SEC23A: variants seen among roughly 807,000 people sequenced by gnomAD.
SEC23A encodes the protein protein transport protein Sec23A.
SEC23A carries 56 observed loss-of-function variants against 103.7 expected under a neutral mutation model. That is an observed-to-expected ratio of 0.54 (90% confidence interval 0.44 to 0.67). The LOEUF (loss-of-function observed/expected upper bound fraction) is 0.67. SEC23A is among the 30% of genes least tolerant of loss of function. The pLI is 0.00. For missense variants in SEC23A, 784 were observed against 936.4 expected, an observed-to-expected ratio of 0.84 and a Z score of 2.12; for synonymous variants, 281 against 293.0, an observed-to-expected ratio of 0.96 and a Z score of 0.42.
rs781147238 is a variant in SEC23A at position 39,048,637 on chromosome 14, C to T, written c.1737+15G>A. On this transcript the variant is annotated intron_variant, in intron 15 of 19. Coordinates refer to ENST00000307712, the MANE Select transcript of SEC23A (RefSeq NM_006364.4). ...AAAAAGAAAAGAAAAGAATATGGAC[C>T]TTTTACCTACTTACCTGTGGATAAA... 3.9e-6 allele frequency: 6 copies of T among 1,533,260 alleles called. No individual in the cohort carries two copies. Among genetic ancestry groups the T allele is most frequent in the Non-Finnish European group, 4.5e-6 (5 of 1,106,956 alleles). The allele number at this position is 1,533,260 out of a possible 1,614,324, so 95.0% of individuals were successfully genotyped here.
At chr14:39,087,312 T>A (rs527473287) in intron 5 of SEC23A, among the ~76,000 whole-genome samples, 32 of 152,368 alleles carry the variant, frequency 2.1e-4, no homozygotes, top group African/African-American at 7.7e-4. Flanking sequence ...TAAATGTCCA[T>A]ACTTCTTAAT....
rs772560933 is a variant in SEC23A, at chr14:39,093,089, A to C, written c.279+98T>G. On this transcript the variant is annotated intron_variant, in intron 3 of 19. Transcript: ENST00000307712. ...TCACTGTGTTAGCCAGGATGGTCTCAATCTCCTGACCTCGTGATCCACCCG... is the reference window on the plus strand; with the variant it reads ...TCACTGTGTTAGCCAGGATGGTCTCCATCTCCTGACCTCGTGATCCACCCG... The C allele has an allele frequency of 7.7e-5, 70 of 912,798 alleles. No individual in the cohort carries two copies. The African/African-American group carries it at 1.1e-3, about 14-fold the overall frequency. 56.5% of individuals were successfully genotyped at this position (912,798 alleles called of 1,614,324 possible). A position where few individuals can be genotyped will look rare whatever the true frequency, so the allele number is the denominator to read the frequency against.
intron 7 of SEC23A, 109 bp from the exon 8 acceptor site, chr14:39,076,202 GAAAT>G (rs1887012544): frequency 6.7e-6 from 6 of 896,762 alleles, no homozygotes; most frequent in Admixed American, 5.4e-5. Context: ...TATTTTCTAA[GAAAT>G]AAAATAATCA....
intron 7 of SEC23A, among the ~76,000 whole-genome samples, chr14:39,081,959 A>C (rs184469234): frequency 6.6e-6 from 1 of 152,248 alleles, no homozygotes; most frequent in East Asian, 1.9e-4. Context: ...TCTTGGTAGA[A>C]CCAAGGCTAA....
At position 39,074,304 on chromosome 14, in the gene SEC23A, T is replaced by C. The variant is rs12164875; in HGVS notation, c.1103+111A>G. 168,605 of 762,720 alleles carry C rather than the reference T, an allele frequency of 0.22. 20,841 individuals are homozygous for C. Among genetic ancestry groups the C allele is most frequent in the Middle Eastern group, 0.3 (1,080 of 3,606 alleles). The allele number at this position is 762,720 out of a possible 1,614,324, so 47.2% of individuals were successfully genotyped here. A position where few individuals can be genotyped will look rare whatever the true frequency, so the allele number is the denominator to read the frequency against. On this transcript the variant is annotated intron_variant, in intron 9 of 19. Transcript: ENST00000307712. ...AAAAACTACTAACAGATGTGTTGCC[T>C]TGAAGTAGTGGGAAGATGACACTTT...
chr14:39,070,455 C>T lies in SEC23A; in HGVS notation c.1104-3159G>A, dbSNP rs1309721265. Reference sequence around the variant, plus strand: ...CCAGTATCTCCTATGAAGACAGATGCAAAAATCCTCAACAAAATGACAGCA... The same window carrying T: ...CCAGTATCTCCTATGAAGACAGATGTAAAAATCCTCAACAAAATGACAGCA... On this transcript the variant is annotated intron_variant, in intron 9 of 19. Coordinates refer to ENST00000307712, the MANE Select transcript of SEC23A (RefSeq NM_006364.4). 3.3e-5 allele frequency among the ~76,000 whole-genome samples: 5 copies of T among 151,996 alleles called. No homozygotes were observed. In the East Asian group the frequency reaches 7.7e-4, roughly 23 times the overall value.
chr14:39,086,593 G>GCGGGAAAAGCTAAGCGGGA (rs1310373317), intron 6 of SEC23A, among the ~76,000 whole-genome samples: 18 of 152,130 alleles, frequency 1.2e-4, no homozygotes, highest in Admixed American at 6.6e-4. Context: ...CTGCACTCCA[G>GCGGGAAAAGCTAAGCGGGA]AAACCTTAGC....
Position 39,092,543 on chromosome 14 carries a change from G to T in SEC23A, c.364C>A (p.Leu122Met). Residue 122 changes from leucine (L) to methionine (M), a missense_variant and splice_region_variant, in exon 4 of 20, where the codon CTG (leucine) becomes ATG (methionine). Coordinates refer to ENST00000307712, the MANE Select transcript of SEC23A (RefSeq NM_006364.4). ...AATATTTGTTCTTAGGTTCTTACCA[G>T]AACTACATATTCAATGCTAGAAAAC... ...PQFSSIEYVV[L>M]RGPQMPLIFL... 6.3e-7 allele frequency: 1 copy of T among 1,580,986 alleles called. No individual in the cohort carries two copies. The highest frequency in any genetic ancestry group is 8.7e-7 in the Non-Finnish European group (1 of 1,151,444).
intron 1 of SEC23A, among the ~76,000 whole-genome samples, chr14:39,099,000 C>T (rs914748400): frequency 4.6e-5 from 7 of 151,910 alleles, no homozygotes; most frequent in Admixed American, 2.0e-4. Flanking sequence ...TCTCAATTCT[C>T]CCAAGGATAG....
intron 7 of SEC23A, among the ~76,000 whole-genome samples, chr14:39,083,094 G>A (rs1047117290): frequency 1.3e-5 from 2 of 152,096 alleles, no homozygotes; most frequent in Non-Finnish European, 2.9e-5. Flanking sequence ...GATTATCCTG[G>A]TTCATAGGAA....
chr14:39,075,093 C>A (rs1160406122), intron 8 of SEC23A, among the ~76,000 whole-genome samples: 2 of 151,674 alleles, frequency 1.3e-5, no homozygotes, highest in Non-Finnish European at 2.9e-5. Flanking sequence ...GGCAACAGAG[C>A]GAGACTTTGC....
chr14:39,095,956 G>C lies in SEC23A; in HGVS notation c.163C>G (p.Gln55Glu). 1.9e-6 allele frequency: 3 copies of C among 1,614,126 alleles called. No individual in the cohort carries two copies. Among genetic ancestry groups the C allele is most frequent in the Non-Finnish European group, 2.5e-6 (3 of 1,180,002 alleles). The change falls in exon 2 of 20, where the codon CAA becomes GAA. Residue 55 changes from glutamine (Q) to glutamate (E), a missense_variant. This residue lies in a region of SEC23A where 683 missense variants were observed against 774.2 expected (regional missense o/e 0.88). Coordinates refer to ENST00000307712, the MANE Select transcript of SEC23A (RefSeq NM_006364.4). Reference protein sequence around the residue: ...LKERPDLPPIQYEPVLCSRTT... With the variant: ...LKERPDLPPIEYEPVLCSRTT... ...CTACTACACAGAACAGGTTCATATT[G>C]AATAGGTGGTAAGTCAGGTCTCTCT...
intron 11 of SEC23A, 166 bp downstream of exon 11, chr14:39,064,747 G>C (rs1313929875): frequency 3.1e-6 from 2 of 644,296 alleles, no homozygotes; most frequent in East Asian, 2.8e-5. Flanking sequence ...TTTCTTTTTT[G>C]GGGGGATAAC....
rs1037867678 is a variant in SEC23A at position 39,071,504 on chromosome 14, G to T, written c.1103+2911C>A. ...GCAGAGGTTGCAGTGAGCTGAGATC[G>T]CACCACTGCACTCCAGCCTGGGCAA... is the stretch of plus-strand genomic sequence containing the variant. On this transcript the variant is annotated intron_variant, in intron 9 of 19. Coordinates refer to ENST00000307712, the MANE Select transcript of SEC23A (RefSeq NM_006364.4). 4.4e-4 allele frequency among the ~76,000 whole-genome samples: 67 copies of T among 152,094 alleles called. 1 individual carries two copies. Among genetic ancestry groups the T allele is most frequent in the African/African-American group, 1.6e-3 (66 of 41,516 alleles).
chr14:39,058,568 A>G (rs1326214771), intron 13 of SEC23A, among the ~76,000 whole-genome samples: 1 of 152,170 alleles, frequency 6.6e-6, no homozygotes, highest in Non-Finnish European at 1.5e-5. Flanking sequence ...TGGCCTCCCA[A>G]AGTGCTGGGA....
rs762979945 is a variant in SEC23A, at chr14:39,045,176, C to T, written c.1886G>A (p.Ser629Asn). 1 of 1,613,420 alleles carries T rather than the reference C, an allele frequency of 6.2e-7. No homozygotes were observed. The highest frequency in any genetic ancestry group is 2.2e-5 in the East Asian group (1 of 44,784). The change falls in exon 16 of 20, where the codon AGT becomes AAT. Residue 629 changes from serine to asparagine, a missense_variant. Physicochemically the swap from Ser to Asn is conservative, Grantham distance 46. Transcript: ENST00000307712. ...TGTCCCTCTTACCTCTGGTGGTCCA[C>T]TAAAAGAATACGCATACAGGATAGG... ...IQPILYAYSF[S>N]GPPEPVLLDS... is the part of the protein sequence containing the mutation.
At chr14:39,040,528 G>A in intron 18 of SEC23A, 1 of 617,662 alleles carries the variant, frequency 1.6e-6, no homozygotes, top group Non-Finnish European at 2.9e-6. Context: ...GATGGAAAGT[G>A]CCAGGTTTAG....
At chr14:39,078,052 T>G (rs1180962763) in intron 7 of SEC23A, among the ~76,000 whole-genome samples, 1 of 151,850 alleles carries the variant, frequency 6.6e-6, no homozygotes, top group Non-Finnish European at 1.5e-5. Flanking sequence ...GAGTTCAAGA[T>G]CAGCCTGGGC....
At chr14:39,100,849 C>CT (rs1413678241) in intron 1 of SEC23A, among the ~76,000 whole-genome samples, 1 of 151,782 alleles carries the variant, frequency 6.6e-6, no homozygotes, top group East Asian at 1.9e-4. Context: ...GCATATTAGT[C>CT]TCTTTTTTTT....
Sources: allele counts gnomAD v4.1 joint callset (sites outside exome capture counted in the v4.1 genomes callset), GRCh38; gene constraint gnomAD v4.1.1; regional missense constraint gnomAD v4.1.1; transcripts MANE v1.5; gene names NCBI Gene and HGNC (gene_info 2026-07-23, HGNC 2026-07-21).